Variants in VPS37B observed in about 807,000 individuals in gnomAD.
The protein encoded by VPS37B is VPS37B subunit of ESCRT-I, also known as vacuolar protein sorting-associated protein 37B.
In VPS37B, 11 loss-of-function variants were observed where a neutral mutation model predicts 21.2. The observed-to-expected ratio is 0.52, with a 90% CI of 0.33 to 0.86. The LOEUF is 0.86. VPS37B is among the 40% of genes least tolerant of loss of function. The pLI is 0.03. For synonymous variants in VPS37B, 175 were observed against 159.6 expected (o/e 1.10, Z -0.73); for missense variants, 389 against 374.8 (o/e 1.04, Z -0.31).
At chr12:122,870,824 C>CA in intron 2 of VPS37B, 66 bp downstream of exon 2, 1 of 1,528,852 alleles carries the variant, frequency 6.5e-7, no homozygotes, top group Non-Finnish European at 8.9e-7. Context: ...CCTGGTAGGG[C>CA]AATAGCTTGA....
Position 122,868,617 on chromosome 12 carries a change from T to G in VPS37B, c.284-55A>C. On this transcript the variant is annotated intron_variant, in intron 2 of 3. Transcript: ENST00000267202. The surrounding 1 kb of genome is among the most constrained non-coding windows in gnomAD (Gnocchi z 5.5). Reference sequence around the variant, plus strand: ...GTGAGAGGTGTCCAGGTAAAGCCCTTCATGATGCCAACCACGGCAGGATTG... The same window carrying G: ...GTGAGAGGTGTCCAGGTAAAGCCCTGCATGATGCCAACCACGGCAGGATTG... 6.7e-7 allele frequency: 1 copy of G among 1,493,904 alleles called. No homozygotes were observed. Among genetic ancestry groups the G allele is most frequent in the Non-Finnish European group, 9.2e-7 (1 of 1,082,950 alleles). 92.5% of individuals were successfully genotyped at this position (1,493,904 alleles called of 1,614,324 possible).
rs571500648 is a variant in VPS37B at position 122,869,520 on chromosome 12, T to C, written c.284-958A>G. Reference sequence around the variant, plus strand: ...TCGTCATTCTGGTTTGGGTGTATGATCGTAAATTTTTACTGAAGTTAATGG... The same window carrying C: ...TCGTCATTCTGGTTTGGGTGTATGACCGTAAATTTTTACTGAAGTTAATGG... On this transcript the variant is annotated intron_variant, in intron 2 of 3. Transcript: ENST00000267202. 3.3e-5 allele frequency among the ~76,000 whole-genome samples: 5 copies of C among 152,380 alleles called. No homozygotes were observed. The East Asian group carries it at 9.6e-4, about 29-fold the overall frequency.
chr12:122,893,595 C>T (rs1334395591), intron 1 of VPS37B, among the ~76,000 whole-genome samples: 5 of 152,104 alleles, frequency 3.3e-5, no homozygotes, highest in South Asian at 2.1e-4. Context: ...ACACCCATTC[C>T]GAGAAAGGCA....
chr12:122,874,040 C>T (rs928936542), intron 1 of VPS37B: 2 of 152,192 alleles, frequency 1.3e-5, no homozygotes, highest in African/African-American at 4.8e-5. Flanking sequence ...CAGAGGCGCT[C>T]CCATCAGAAA....
chr12:122,867,169 G>A lies in VPS37B; in HGVS notation c.805C>T (p.Gln269Ter). The A allele has an allele frequency of 6.4e-7, 1 of 1,559,376 alleles. No homozygotes were observed. The highest frequency in any genetic ancestry group is 8.6e-7 in the Non-Finnish European group (1 of 1,157,962). Residue 269 changes from glutamine to a stop codon, truncating the protein, a stop_gained, in exon 4 of 4, where the codon CAG becomes TAG. Coordinates refer to ENST00000267202, the MANE Select transcript of VPS37B (RefSeq NM_024667.3). LOFTEE classifies it high-confidence loss of function. The surrounding 1 kb of genome is among the most constrained non-coding windows in gnomAD (Gnocchi z 5.5). The stretch of plus-strand genomic sequence containing the variant: ...GGAGGGAGCCGGGGCGGGGGTCTCT[G>A]AGGGAGAGGTGGCGGATATGGGGAC... ...FVSPYPPPLP[Q>*]RPPPRLPPHQ...
chr12:122,891,212 G>A (rs770619282), intron 1 of VPS37B, among the ~76,000 whole-genome samples: 27 of 152,206 alleles, frequency 1.8e-4, no homozygotes, highest in Non-Finnish European at 3.2e-4. Flanking sequence ...ACCCACCACT[G>A]CACTTTTAGC....
intron 1 of VPS37B, chr12:122,883,227 CTT>C (rs1219409858): frequency 6.6e-6 from 1 of 152,188 alleles, no homozygotes; most frequent in Non-Finnish European, 1.5e-5. Context: ...CAAAATCCTT[CTT>C]GAGAGAAAAC....
rs748720563 is a variant in VPS37B, at chr12:122,867,620, G to GA, written c.367-14dup. 4 of 1,611,322 alleles carry GA rather than the reference G, an allele frequency of 2.5e-6. No individual in the cohort carries two copies. Among genetic ancestry groups the GA allele is most frequent in the Non-Finnish European group, 3.4e-6 (4 of 1,179,954 alleles). On this transcript the variant is annotated splice_polypyrimidine_tract_variant and intron_variant, in intron 3 of 3. Transcript: ENST00000267202. This position sits in a 1 kb window ranked among gnomAD's most constrained non-coding sequence, Gnocchi z 5.5. ...TCTCTGCCATGTTCTGAAAGAGGCA[G>GA]AAACCTGGTTACAGGGACAGCCAGA...
Position 122,872,607 on chromosome 12 carries a change from C to T in VPS37B, c.112-1546G>A, listed in dbSNP as rs553975802. On this transcript the variant is annotated intron_variant, in intron 1 of 3. Coordinates refer to ENST00000267202, the MANE Select transcript of VPS37B (RefSeq NM_024667.3). ...GTCACCCGCTTCCCCACCCACAGGG[C>T]GGCTCTCCATGGGCTTTCTATGCCA... 2.1e-5 allele frequency: 21 copies of T among 985,404 alleles called. No homozygotes were observed. In the East Asian group the frequency reaches 1.6e-3, roughly 75 times the overall value. The allele number at this position is 985,404 out of a possible 1,614,324, so 61.0% of individuals were successfully genotyped here.
chr12:122,868,691 G>T lies in VPS37B; in HGVS notation c.284-129C>A. On this transcript the variant is annotated intron_variant, in intron 2 of 3. Transcript: ENST00000267202. This position sits in a 1 kb window ranked among gnomAD's most constrained non-coding sequence, Gnocchi z 5.5. ...ATGTGAAAGGCTTGAAAACCTACAG[G>T]GGAACAAGTGCACCAAGCCAGTGCC... is the stretch of plus-strand genomic sequence containing the variant. The T allele has an allele frequency of 1.3e-6, 1 of 793,208 alleles. No homozygotes were observed. Among genetic ancestry groups the T allele is most frequent in the Non-Finnish European group, 2.1e-6 (1 of 485,666 alleles). The allele number at this position is 793,208 out of a possible 1,614,324, so 49.1% of individuals were successfully genotyped here. A position where few individuals can be genotyped will look rare whatever the true frequency, so the allele number is the denominator to read the frequency against.
In VPS37B at chr12:122,868,603, C is replaced by G. The variant is rs775256006; in HGVS notation, c.284-41G>C. On this transcript the variant is annotated intron_variant, in intron 2 of 3. Transcript: ENST00000267202. This position sits in a 1 kb window ranked among gnomAD's most constrained non-coding sequence, Gnocchi z 5.5. ...GAGGTATGACAAAAGTGAGAGGTGT[C>G]CAGGTAAAGCCCTTCATGATGCCAA... 6.4e-7 allele frequency: 1 copy of G among 1,566,924 alleles called. No homozygotes were observed.
intron 1 of VPS37B, chr12:122,871,739 C>CTCTA (rs1303428617): frequency 4.1e-6 from 4 of 975,984 alleles, no homozygotes; most frequent in Admixed American, 1.2e-4. Context: ...TGACAGGCTA[C>CTCTA]CCTGGTAGGT....
intron 1 of VPS37B, chr12:122,872,410 G>A: frequency 1.0e-6 from 1 of 985,464 alleles, no homozygotes; most frequent in Non-Finnish European, 1.2e-6. Flanking sequence ...GGATTTAAAT[G>A]ACAATGAAAA....
rs2033914604 is a variant in VPS37B at position 122,867,039 on chromosome 12, A to G, written c.*77T>C. On this transcript the variant is annotated 3_prime_UTR_variant, in exon 4 of 4. Coordinates refer to ENST00000267202, the MANE Select transcript of VPS37B (RefSeq NM_024667.3). This position sits in a 1 kb window ranked among gnomAD's most constrained non-coding sequence, Gnocchi z 5.5. ...CCCCAGAGCCCTTGGCACAGAGCGG[A>G]CCTCCAGCCTCCTTCCCGTGAGCAG... 6.9e-7 allele frequency: 1 copy of G among 1,440,532 alleles called. No individual in the cohort carries two copies. The allele number at this position is 1,440,532 out of a possible 1,614,324, so 89.2% of individuals were successfully genotyped here. A position where few individuals can be genotyped will look rare whatever the true frequency, so the allele number is the denominator to read the frequency against.
At chr12:122,875,668 C>CG in intron 1 of VPS37B, 1 of 152,176 alleles carries the variant, frequency 6.6e-6, no homozygotes, top group East Asian at 1.9e-4. Flanking sequence ...AGGACAGGCC[C>CG]GGGAGGCCTC....
chr12:122,881,241 CAA>C (rs1477835802), intron 1 of VPS37B: 2 of 152,206 alleles, frequency 1.3e-5, no homozygotes, highest in African/African-American at 4.8e-5. Flanking sequence ...TCATTTTACT[CAA>C]GAGACAGGAA....
In VPS37B at chr12:122,867,255, C is replaced by A; in HGVS notation, c.719G>T (p.Cys240Phe). Residue 240 changes from cysteine to phenylalanine, a missense_variant, in exon 4 of 4, where the codon TGC becomes TTC. Transcript: ENST00000267202. The surrounding 1 kb of genome is among the most constrained non-coding windows in gnomAD (Gnocchi z 5.5). ...GCCCACGCGGGGGGGCAGGGGCGGGCACTGTAATCCTGGGTACGGCACGGC... is the reference window on the plus strand; with the variant it reads ...GCCCACGCGGGGGGGCAGGGGCGGGAACTGTAATCCTGGGTACGGCACGGC... Reference protein sequence around the residue: ...GQAVPYPGLQCPPLPPRVGLP... With the variant: ...GQAVPYPGLQFPPLPPRVGLP... The A allele has an allele frequency of 6.4e-7, 1 of 1,567,774 alleles. No individual in the cohort carries two copies. The highest frequency in any genetic ancestry group is 1.2e-5 in the South Asian group (1 of 83,544).
chr12:122,891,847 G>C (rs1204189983), intron 1 of VPS37B, among the ~76,000 whole-genome samples: 1 of 152,192 alleles, frequency 6.6e-6, no homozygotes, highest in African/African-American at 2.4e-5. Flanking sequence ...TTCCAGACCA[G>C]AGCTCTTTAC....
rs67994180 is a variant in VPS37B at position 122,893,823 on chromosome 12, CAA to C, written c.111+2127_111+2128del. ...TTCAGGTATGAAGGTCACTTTTACT[CAA>C]AAAAAAAAAAAAAAAAAAAAAATCC... On this transcript the variant is annotated intron_variant, in intron 1 of 3. Coordinates refer to ENST00000267202, the MANE Select transcript of VPS37B (RefSeq NM_024667.3). 0.012 allele frequency among the ~76,000 whole-genome samples: 1,633 copies of C among 134,930 alleles called. 53 individuals are homozygous for C. The East Asian group carries it at 0.14, about 11-fold the overall frequency. 88.5% of individuals were successfully genotyped at this position (134,930 alleles called of 152,430 possible). A position where few individuals can be genotyped will look rare whatever the true frequency, so the allele number is the denominator to read the frequency against.
Sources: gnomAD v4.1 joint callset for allele counts (sites outside exome capture counted in the v4.1 genomes callset) on GRCh38, gnomAD v4.1.1 for gene constraint, Gnocchi (gnomAD v3.1) non-coding constraint, MANE v1.5 for transcripts, NCBI Gene and HGNC (gene_info 2026-07-23, HGNC 2026-07-21) for gene names.